TBC1D5: variants seen among roughly 807,000 people sequenced by gnomAD.
TBC1D5 encodes TBC1 domain family, member 5.
TBC1D5 carries 75 observed loss-of-function variants against 100.3 expected under a neutral mutation model. The observed-to-expected ratio is 0.75, with a 90% confidence interval of 0.62 to 0.91. The LOEUF is 0.91. Ranked by LOEUF, TBC1D5 falls within the 40% of genes least tolerant of loss-of-function variation. The pLI, the probability that TBC1D5 is intolerant of heterozygous loss-of-function variation, is 0.00. For missense variants in TBC1D5, 910 were observed against 942.4 expected (o/e 0.97, Z 0.45); for synonymous variants, 323 against 325.6 (o/e 0.99, Z 0.09).
At chr3:17,327,410 T>C (rs914225818) in intron 13 of TBC1D5, among the ~76,000 whole-genome samples, 1 of 152,212 alleles carries the variant, frequency 6.6e-6, no homozygotes, top group Non-Finnish European at 1.5e-5. Context: ...TCTATGTCCT[T>C]AAAATGGCTT....
chr3:17,462,321 A>AT (rs1188024653), intron 3 of TBC1D5, among the ~76,000 whole-genome samples: 1 of 143,028 alleles, frequency 7.0e-6, no homozygotes. Flanking sequence ...TTCGGACCTT[A>AT]ATTTTTTTTT....
intron 4 of TBC1D5, among the ~76,000 whole-genome samples, chr3:17,426,749 C>A (rs1021368815): frequency 6.6e-6 from 1 of 152,002 alleles, no homozygotes. Context: ...TATACCTTCA[C>A]ATGAAAACAT....
intron 3 of TBC1D5, among the ~76,000 whole-genome samples, chr3:17,493,227 AAATTATTTTTTTTTTTTTTAAG>A: frequency 6.6e-6 from 1 of 151,978 alleles, no homozygotes; most frequent in South Asian, 2.1e-4. Flanking sequence ...TGTGGGTTGG[AAATTATTTTTTTTTTTTTTAAG>A]AATGTTGAAT....
chr3:17,581,915 T>C (rs1449060716), intron 2 of TBC1D5, among the ~76,000 whole-genome samples: 2 of 152,164 alleles, frequency 1.3e-5, no homozygotes, highest in Non-Finnish European at 2.9e-5. Context: ...TCATAAATAT[T>C]CCTGCCTCAG....
chr3:17,668,251 T>C (rs1189927464), intron 1 of TBC1D5, among the ~76,000 whole-genome samples: 2 of 150,460 alleles, frequency 1.3e-5, no homozygotes, highest in African/African-American at 4.9e-5. Flanking sequence ...AAGGAGGAAA[T>C]AAAAGCACTA....
At chr3:17,381,814 A>C (rs1281396062) in intron 9 of TBC1D5, among the ~76,000 whole-genome samples, 2 of 152,036 alleles carry the variant, frequency 1.3e-5, no homozygotes, top group Non-Finnish European at 2.9e-5. Flanking sequence ...TATATACTTT[A>C]AGTTTTTATA....
At chr3:17,533,568 A>C (rs1181473683) in intron 2 of TBC1D5, among the ~76,000 whole-genome samples, 1 of 152,086 alleles carries the variant, frequency 6.6e-6, no homozygotes, top group Non-Finnish European at 1.5e-5. Context: ...CCTTCCTAAA[A>C]CCTGTTTTAG....
intron 2 of TBC1D5, among the ~76,000 whole-genome samples, chr3:17,604,352 T>A (rs2061197339): frequency 6.6e-6 from 1 of 152,178 alleles, no homozygotes. Context: ...AATAGAGCAG[T>A]AACATTCAGT....
intron 1 of TBC1D5, among the ~76,000 whole-genome samples, chr3:17,652,008 T>C (rs1451216204): frequency 6.6e-6 from 1 of 152,150 alleles, no homozygotes; most frequent in African/African-American, 2.4e-5. Flanking sequence ...GGTGTCAGCA[T>C]AGAAGAAACT....
chr3:17,705,579 C>T (rs1450930216), intron 1 of TBC1D5, among the ~76,000 whole-genome samples: 1 of 138,926 alleles, frequency 7.2e-6, no homozygotes, highest in African/African-American at 2.6e-5. Context: ...GGGGTCTCGG[C>T]CGGGCAGAGG....
At chr3:17,634,398 A>G (rs2063732747) in intron 1 of TBC1D5, among the ~76,000 whole-genome samples, 1 of 152,222 alleles carries the variant, frequency 6.6e-6, no homozygotes, top group Admixed American at 6.5e-5. Context: ...AGCCACAAAA[A>G]AAGAATGAGA....
At chr3:17,475,895 C>A (rs1238187916) in intron 3 of TBC1D5, among the ~76,000 whole-genome samples, 31 of 152,104 alleles carry the variant, frequency 2.0e-4, no homozygotes, top group African/African-American at 7.5e-4. Context: ...ACAGAGCTCA[C>A]GTTTCTTCAC....
intron 1 of TBC1D5, among the ~76,000 whole-genome samples, chr3:17,641,079 G>A (rs1051121905): frequency 2.0e-5 from 3 of 151,930 alleles, no homozygotes; most frequent in Admixed American, 1.3e-4. Flanking sequence ...ATTATCGTAC[G>A]TAATATACTT....
rs553215428 is a variant in TBC1D5, at chr3:17,457,699, G to GT, written c.98-29181dup. On this transcript the variant is annotated intron_variant, in intron 3 of 21. Coordinates refer to ENST00000253692, the Ensembl canonical transcript of TBC1D5. ...TCTAATTGCTTTATCTATTTTGAGT[G>GT]TTTTTTTTTTCTTGCGCGTTCATAT... Among the ~76,000 whole-genome samples, 424 of 146,832 alleles carry GT rather than the reference G, an allele frequency of 2.9e-3. 4 individuals are homozygous for GT. The highest frequency in any genetic ancestry group is 0.021 in the South Asian group (97 of 4,592).
intron 2 of TBC1D5, among the ~76,000 whole-genome samples, chr3:17,556,668 G>A (rs2096524251): frequency 6.6e-6 from 1 of 152,072 alleles, no homozygotes; most frequent in Admixed American, 6.6e-5. Flanking sequence ...AATTAGCTCT[G>A]ATTTATCAAA....
intron 3 of TBC1D5, among the ~76,000 whole-genome samples, chr3:17,459,261 G>A (rs1181588406): frequency 1.3e-5 from 2 of 152,146 alleles, no homozygotes; most frequent in African/African-American, 4.8e-5. Context: ...ACAGGTAGGG[G>A]CACAGGGATG....
intron 8 of TBC1D5, among the ~76,000 whole-genome samples, chr3:17,393,576 C>G (rs979935499): frequency 6.6e-6 from 1 of 152,098 alleles, no homozygotes; most frequent in African/African-American, 2.4e-5. Context: ...TCAAACTATA[C>G]TACAAGGCTA....
In TBC1D5 at chr3:17,427,089, A is replaced by C. The variant is rs576561840; in HGVS notation, c.167+1361T>G. On this transcript the variant is annotated intron_variant, in intron 4 of 21. Coordinates refer to ENST00000253692, the Ensembl canonical transcript of TBC1D5. ...ATTCTACCTATAGTTTAGTATGCCA[A>C]ATACAAGCTTTATATTATACTTCAG... Among the ~76,000 whole-genome samples, 24 of 152,162 alleles carry C rather than the reference A, an allele frequency of 1.6e-4. No homozygotes were observed. The East Asian group carries it at 3.5e-3, about 22-fold the overall frequency.
At chr3:17,678,014 T>C (rs1362456391) in intron 1 of TBC1D5, among the ~76,000 whole-genome samples, 1 of 151,978 alleles carries the variant, frequency 6.6e-6, no homozygotes, top group Non-Finnish European at 1.5e-5. Context: ...GGGGGAGGGA[T>C]AGCATTAGGA....
Sources: allele counts gnomAD v4.1 joint callset (sites outside exome capture counted in the v4.1 genomes callset), GRCh38; gene constraint gnomAD v4.1.1; transcripts MANE v1.5; gene names NCBI Gene and HGNC (gene_info 2026-07-23, HGNC 2026-07-21).